The following HRH1 variants were observed in gnomAD, a reference collection of about 807,000 sequenced individuals.
HRH1 encodes histamine H1 receptor.
In HRH1, 6 loss-of-function variants were observed where a neutral mutation model predicts 10.3. The observed-to-expected ratio is 0.58, with a 90% CI of 0.32 to 1.15. The LOEUF (loss-of-function observed/expected upper bound fraction) is 1.15. Among genes scored for constraint, HRH1 ranks in the 50% most tolerant of loss-of-function variants. The pLI is 0.05. For missense variants in HRH1, 514 were observed against 615.3 expected (o/e 0.84, Z 1.74); for synonymous variants, 242 against 236.7 (o/e 1.02, Z -0.21).
chr3:11,218,262 T>C (rs1216167655), intron 1 of HRH1, among the ~76,000 whole-genome samples: 1 of 152,058 alleles, frequency 6.6e-6, no homozygotes, highest in East Asian at 1.9e-4. Context: ...CTGGCCAATA[T>C]GGTGAAACCC....
intron 1 of HRH1, among the ~76,000 whole-genome samples, chr3:11,181,419 C>A (rs1474873642): frequency 3.3e-5 from 5 of 152,146 alleles, no homozygotes; most frequent in African/African-American, 9.7e-5. Flanking sequence ...TACAATCCCA[C>A]CAGCAAGGTG....
At position 11,180,741 on chromosome 3, in the gene HRH1, T is replaced by G. The variant is rs531130477; in HGVS notation, c.-36+26187T>G. On this transcript the variant is annotated intron_variant, in intron 1 of 1. Transcript: ENST00000431010. ...TGTGAGTGGTTTTTGTCACTTAGCA[T>G]AATGTTTTTAAGGTTGATCTACACC... is the stretch of plus-strand genomic sequence containing the variant. Among the ~76,000 whole-genome samples, 4 of 135,100 alleles carry G rather than the reference T, an allele frequency of 3.0e-5. No homozygotes were observed. The East Asian group carries it at 8.8e-4, about 30-fold the overall frequency. 88.6% of individuals were successfully genotyped at this position (135,100 alleles called of 152,430 possible).
At chr3:11,213,839 C>T (rs1235678439) in intron 1 of HRH1, among the ~76,000 whole-genome samples, 1 of 152,144 alleles carries the variant, frequency 6.6e-6, no homozygotes. Flanking sequence ...CGGTGGCTGC[C>T]CTGGACTCTT....
chr3:11,159,197 G>C (rs1385247834), intron 1 of HRH1, among the ~76,000 whole-genome samples: 2 of 152,164 alleles, frequency 1.3e-5, no homozygotes, highest in East Asian at 1.9e-4. Context: ...GCAGTGAGCT[G>C]AGATTGCACC....
chr3:11,183,479 G>A (rs1937395208), intron 1 of HRH1, among the ~76,000 whole-genome samples: 2 of 152,138 alleles, frequency 1.3e-5, no homozygotes, highest in African/African-American at 4.8e-5. Flanking sequence ...CTCCTACAGT[G>A]CACAGGGCAG....
intron 1 of HRH1, among the ~76,000 whole-genome samples, chr3:11,233,685 CA>C (rs1342102022): frequency 1.3e-5 from 2 of 152,124 alleles, no homozygotes; most frequent in Non-Finnish European, 2.9e-5. Context: ...CACAGAAAAC[CA>C]GGAGCTCAAT....
At chr3:11,146,297 G>C (rs1936442323) in intron 1 of HRH1, among the ~76,000 whole-genome samples, 2 of 152,134 alleles carry the variant, frequency 1.3e-5, no homozygotes, top group Admixed American at 1.3e-4. Flanking sequence ...CATTCTTGAT[G>C]ATTTCTGTTA....
At chr3:11,186,804 A>AT (rs1937458563) in intron 1 of HRH1, among the ~76,000 whole-genome samples, 1 of 152,230 alleles carries the variant, frequency 6.6e-6, no homozygotes, top group African/African-American at 2.4e-5. Context: ...GCAGACAGGC[A>AT]GCACAGAAGA....
At chr3:11,201,754 G>A (rs181187476) in intron 1 of HRH1, among the ~76,000 whole-genome samples, 293 of 152,326 alleles carry the variant, frequency 1.9e-3, no homozygotes, top group African/African-American at 6.9e-3. Context: ...TCTGGGCCTT[G>A]CCAAGTGCCT....
chr3:11,221,188 A>G (rs1292923621), intron 1 of HRH1, among the ~76,000 whole-genome samples: 1 of 152,024 alleles, frequency 6.6e-6, no homozygotes, highest in Non-Finnish European at 1.5e-5. Flanking sequence ...TTAATGTTAG[A>G]CCTTGTCAAA....
intron 1 of HRH1, among the ~76,000 whole-genome samples, chr3:11,229,388 C>G (rs1938983987): frequency 1.3e-5 from 2 of 152,242 alleles, no homozygotes; most frequent in Middle Eastern, 6.8e-3. Flanking sequence ...AATGTCATAC[C>G]AACAGCCTAA....
chr3:11,167,903 G>T (rs1027416309), intron 1 of HRH1, among the ~76,000 whole-genome samples: 6 of 152,214 alleles, frequency 3.9e-5, no homozygotes, highest in African/African-American at 1.2e-4. Flanking sequence ...ATAGGTGTCA[G>T]GGATTGTTCT....
At chr3:11,199,350 C>G (rs1186585231) in intron 1 of HRH1, among the ~76,000 whole-genome samples, 3 of 152,172 alleles carry the variant, frequency 2.0e-5, no homozygotes, top group African/African-American at 7.2e-5. Flanking sequence ...CACTGCCAGT[C>G]CCGGGAGCTG....
chr3:11,234,362 T>C, intron 1 of HRH1: 1 of 1,598,172 alleles, frequency 6.3e-7, no homozygotes, highest in Non-Finnish European at 8.6e-7. Context: ...CTCATCCTCT[T>C]GGGGATAGAG....
At chr3:11,195,183 A>C (rs137965402) in intron 1 of HRH1, among the ~76,000 whole-genome samples, 49 of 152,346 alleles carry the variant, frequency 3.2e-4, no homozygotes, top group Non-Finnish European at 6.2e-4. Flanking sequence ...AGTATCTCTC[A>C]GATTCTGAAT....
intron 1 of HRH1, among the ~76,000 whole-genome samples, chr3:11,188,070 G>A (rs1937478192): frequency 6.6e-6 from 1 of 152,150 alleles, no homozygotes; most frequent in South Asian, 2.1e-4. Flanking sequence ...GAAAATGTTT[G>A]GGGGAAAAAT....
At chr3:11,183,798 A>G (rs1218228475) in intron 1 of HRH1, among the ~76,000 whole-genome samples, 1 of 149,726 alleles carries the variant, frequency 6.7e-6, no homozygotes, top group Non-Finnish European at 1.5e-5. Context: ...GCTCACTGCA[A>G]GCTTAGGCTG....
chr3:11,240,683 A>G (rs543522421), intron 1 of HRH1, among the ~76,000 whole-genome samples: 1 of 152,314 alleles, frequency 6.6e-6, no homozygotes, highest in Admixed American at 6.5e-5. Context: ...AGGTTCCTGT[A>G]ATACTAGGCC....
intron 1 of HRH1, chr3:11,234,563 G>A: frequency 7.0e-7 from 1 of 1,428,544 alleles, no homozygotes; most frequent in Non-Finnish European, 9.9e-7. Context: ...ATCAATCCAT[G>A]CTCCTCGTAT....
Sources: gnomAD v4.1 joint callset for allele counts (sites outside exome capture counted in the v4.1 genomes callset) on GRCh38, gnomAD v4.1.1 for gene constraint, MANE v1.5 for transcripts, NCBI Gene and HGNC (gene_info 2026-07-23, HGNC 2026-07-21) for gene names.